The following DEUP1 variants were observed in gnomAD, a reference collection of about 807,000 sequenced individuals.
The protein encoded by DEUP1 is deuterosome assembly protein 1.
In DEUP1, 82 loss-of-function variants were observed where a neutral mutation model predicts 87.4. The ratio of observed to expected loss-of-function variants is 0.94; its 90% confidence interval spans 0.78 to 1.13. DEUP1 has a LOEUF of 1.13. Among genes scored for constraint, DEUP1 ranks in the 50% most tolerant of loss-of-function variants. The pLI is 0.00. For missense variants in DEUP1, 663 were observed against 681.5 expected, an observed-to-expected ratio of 0.97 and a Z score of 0.30; for synonymous variants, 214 against 222.7, an observed-to-expected ratio of 0.96 and a Z score of 0.35.
intron 4 of DEUP1, among the ~76,000 whole-genome samples, chr11:93,360,788 G>A (rs116973299): frequency 6.6e-6 from 1 of 150,438 alleles, no homozygotes; most frequent in Non-Finnish European, 1.5e-5. Flanking sequence ...GGGACATGTA[G>A]TATGATAACA....
intron 11 of DEUP1, among the ~76,000 whole-genome samples, chr11:93,406,024 T>C (rs1221613120): frequency 6.6e-6 from 1 of 152,018 alleles, no homozygotes; most frequent in African/African-American, 2.4e-5. Flanking sequence ...TAAAATCATT[T>C]AGAGCATTTT....
In DEUP1 at chr11:93,330,745, C is replaced by A. The variant is rs1054419244; in HGVS notation, c.-72C>A. 2 of 152,582 alleles carry A rather than the reference C, an allele frequency of 1.3e-5. No homozygotes were observed. The highest frequency in any genetic ancestry group is 2.9e-5 in the Non-Finnish European group (2 of 68,068). The allele number at this position is 152,582 out of a possible 1,614,324, so 9.5% of individuals were successfully genotyped here. ...CGCGGTCCTGCGCCCTCGCCTCAGA[C>A]CTCTCGGGCGAGCGCGGCGCAGCGC... On this transcript the variant is annotated 5_prime_UTR_variant, in exon 1 of 14. Transcript: ENST00000298050.
rs764898877 is a variant in DEUP1, at chr11:93,371,073, T to C, written c.582T>C (p.Gly194=). The C allele has an allele frequency of 4.3e-6, 7 of 1,611,924 alleles. No individual in the cohort carries two copies. In the East Asian group the frequency reaches 1.3e-4, roughly 31 times the overall value. ...AAAGTTACCAAACTCAACTAAATGG[T>C]AAAAAACAGTGCTTAGAAGACAGCA... is the stretch of plus-strand genomic sequence containing the variant. ...QAQSYQTQLN[G]KKQCLEDSSS... Residue 194 remains glycine (G), a synonymous_variant, in exon 7 of 14, where the codon GGT becomes GGC. Coordinates refer to ENST00000298050, the MANE Select transcript of DEUP1 (RefSeq NM_181645.4).
intron 7 of DEUP1, among the ~76,000 whole-genome samples, chr11:93,384,996 G>A (rs1238656123): frequency 6.6e-6 from 1 of 152,138 alleles, no homozygotes; most frequent in East Asian, 1.9e-4. Flanking sequence ...GGCCAAGGTG[G>A]GAGAATCACA....
At chr11:93,340,958 A>G (rs886553329) in intron 2 of DEUP1, among the ~76,000 whole-genome samples, 1 of 152,234 alleles carries the variant, frequency 6.6e-6, no homozygotes, top group African/African-American at 2.4e-5. Context: ...TTATTGTTTC[A>G]AGATAGCTGA....
chr11:93,428,243 C>A (rs1172029808), intron 13 of DEUP1, among the ~76,000 whole-genome samples: 1 of 152,052 alleles, frequency 6.6e-6, no homozygotes, highest in Non-Finnish European at 1.5e-5. Context: ...GGCACATGTA[C>A]ACCATGGAAT....
chr11:93,419,261 C>G (rs1259507791), intron 13 of DEUP1, among the ~76,000 whole-genome samples: 1 of 151,552 alleles, frequency 6.6e-6, no homozygotes, highest in Non-Finnish European at 1.5e-5. Flanking sequence ...TGCTCAGACC[C>G]AAGGCTTATA....
intron 12 of DEUP1, among the ~76,000 whole-genome samples, chr11:93,414,665 G>C (rs1591251333): frequency 6.6e-6 from 1 of 152,266 alleles, no homozygotes; most frequent in Non-Finnish European, 1.5e-5. Context: ...TACCTGTTTG[G>C]AGACTTTTCT....
chr11:93,375,122 G>A (rs1945973632), intron 7 of DEUP1, among the ~76,000 whole-genome samples: 1 of 150,534 alleles, frequency 6.6e-6, no homozygotes, highest in Non-Finnish European at 1.5e-5. Flanking sequence ...CAGTGCCACT[G>A]ATTTTTGTAC....
intron 11 of DEUP1, among the ~76,000 whole-genome samples, chr11:93,406,125 A>C (rs1452382416): frequency 6.6e-6 from 1 of 151,956 alleles, no homozygotes; most frequent in East Asian, 1.9e-4. Context: ...TGTTTAATTG[A>C]AATGGCCTCA....
In DEUP1 at chr11:93,408,345, A is replaced by G; in HGVS notation, c.1441A>G (p.Thr481Ala). 1.3e-6 allele frequency: 2 copies of G among 1,576,770 alleles called. No homozygotes were observed. The highest frequency in any genetic ancestry group is 1.7e-6 in the Non-Finnish European group (2 of 1,160,092). Residue 481 changes from threonine (T) to alanine (A), a missense_variant, in exon 12 of 14, where the codon ACC becomes GCC. By Grantham distance (58) the Thr-to-Ala change is moderately conservative. Coordinates refer to ENST00000298050, the MANE Select transcript of DEUP1 (RefSeq NM_181645.4). ...LAKLHVNGKS[T>A]WTNQNTYEET... ...AAAACTTCATGTCAATGGAAAATCA[A>G]CCTGGACTAATCAAAACACCTATGA...
chr11:93,370,082 G>A lies in DEUP1; in HGVS notation c.442G>A (p.Ala148Thr), dbSNP rs781443960. 3.1e-6 allele frequency: 5 copies of A among 1,589,904 alleles called. No individual in the cohort carries two copies. In the South Asian group the frequency reaches 3.4e-5, roughly 11 times the overall value. Residue 148 changes from alanine to threonine, a missense_variant, in exon 6 of 14, where the codon GCA (alanine) becomes ACA (threonine). Ala to Thr is a moderately conservative substitution (Grantham distance 58). Transcript: ENST00000298050. ...NLNQKLEEFR[A>T]KSREWDKQEI... ...CCCCACTTTTTAAAAGGAATTTAGA[G>A]CAAAGTCAAGAGAATGGGACAAGCA...
chr11:93,339,549 T>G (rs1301776117), intron 2 of DEUP1, among the ~76,000 whole-genome samples: 1 of 152,202 alleles, frequency 6.6e-6, no homozygotes. Flanking sequence ...CCATAGAGGC[T>G]ATCCATTTAT....
intron 12 of DEUP1, among the ~76,000 whole-genome samples, chr11:93,414,598 G>A (rs1451218109): frequency 6.6e-6 from 1 of 152,150 alleles, no homozygotes; most frequent in Non-Finnish European, 1.5e-5. Context: ...GAGGTTAAGT[G>A]TAAAAGAGAA....
At chr11:93,363,374 A>G (rs774866401) in intron 4 of DEUP1, among the ~76,000 whole-genome samples, 1 of 151,844 alleles carries the variant, frequency 6.6e-6, no homozygotes, top group Non-Finnish European at 1.5e-5. Context: ...TCCAATTTCA[A>G]TTTCCTGGGT....
rs1161763167 is a variant in DEUP1 at position 93,418,341 on chromosome 11, A to T, written c.1638+3227A>T. 2.6e-5 allele frequency among the ~76,000 whole-genome samples: 4 copies of T among 152,138 alleles called. No individual in the cohort carries two copies. The East Asian group carries it at 5.8e-4, about 22-fold the overall frequency. ...AACTCAAACAAATTTACAAGAAAAA[A>T]ACAAACAACCCCATCAAAAAGTGGG... is the stretch of plus-strand genomic sequence containing the variant. On this transcript the variant is annotated intron_variant, in intron 13 of 13. Transcript: ENST00000298050.
intron 6 of DEUP1, among the ~76,000 whole-genome samples, chr11:93,370,731 C>T (rs918978386): frequency 1.3e-5 from 2 of 152,096 alleles, no homozygotes; most frequent in Non-Finnish European, 2.9e-5. Context: ...CTTTTTTCAA[C>T]CATTGTATAA....
intron 7 of DEUP1, among the ~76,000 whole-genome samples, chr11:93,373,625 G>GTGTGTATA (rs796309948): frequency 6.0e-5 from 4 of 67,004 alleles, no homozygotes; most frequent in African/African-American, 1.6e-4. Flanking sequence ...ATATATATAC[G>GTGTGTATA]TATATATATA....
At chr11:93,357,311 A>T (rs1008606538) in intron 4 of DEUP1, 2 of 227,220 alleles carry the variant, frequency 8.8e-6, no homozygotes, top group African/African-American at 2.3e-5. Flanking sequence ...TTAAATAATA[A>T]TTAGCTCACA....
Sources: gnomAD v4.1 joint callset for allele counts (sites outside exome capture counted in the v4.1 genomes callset) on GRCh38, gnomAD v4.1.1 for gene constraint, MANE v1.5 for transcripts, NCBI Gene and HGNC (gene_info 2026-07-23, HGNC 2026-07-21) for gene names.